Variants in GLRX observed in about 807,000 individuals in gnomAD.
The protein encoded by GLRX is glutaredoxin.
Under a neutral mutation model 11.1 loss-of-function variants are expected in GLRX, and 9 were observed. The observed-to-expected ratio is 0.81, with a 90% CI of 0.49 to 1.42. The LOEUF (loss-of-function observed/expected upper bound fraction) is 1.42, where lower values mean the gene tolerates loss of function less well. Among genes scored for constraint, GLRX ranks in the 40% most tolerant of loss-of-function variants. The pLI, the probability that GLRX is intolerant of heterozygous loss-of-function variation, is 0.00. For missense variants in GLRX, 102 were observed against 126.2 expected, an observed-to-expected ratio of 0.81 and a Z score of 0.92; for synonymous variants, 49 against 49.5, an observed-to-expected ratio of 0.99 and a Z score of 0.04.
chr5:95,822,318 C>G, intron 1 of GLRX, 138 bp downstream of exon 1: 1 of 642,180 alleles, frequency 1.6e-6, no homozygotes, highest in Non-Finnish European at 2.7e-6. Context: ...AAGGCGCCCT[C>G]CCCCACACCC....
intron 1 of GLRX, chr5:95,817,998 T>C (rs1481774096): frequency 2.6e-5 from 4 of 152,052 alleles, no homozygotes; most frequent in African/African-American, 9.7e-5. Flanking sequence ...AAAAATAAAG[T>C]CTAAAAATTA....
chr5:95,817,587 C>G (rs146956126), intron 1 of GLRX: 1 of 152,398 alleles, frequency 6.6e-6, no homozygotes, highest in East Asian at 1.9e-4. Flanking sequence ...TCTCTAGTTA[C>G]ACACTTCCTC....
At chr5:95,819,140 T>G (rs1747121209) in intron 1 of GLRX, 1 of 152,222 alleles carries the variant, frequency 6.6e-6, no homozygotes, top group Non-Finnish European at 1.5e-5. Flanking sequence ...TTACTGTATT[T>G]GTTTGTCTCC....
intron 1 of GLRX, chr5:95,817,833 G>C (rs1747063323): frequency 6.6e-6 from 1 of 152,164 alleles, no homozygotes; most frequent in African/African-American, 2.4e-5. Context: ...AAAGCAATGA[G>C]ACTATTTTTC....
intron 1 of GLRX, 166 bp downstream of exon 1, chr5:95,822,290 G>A: frequency 1.6e-6 from 1 of 618,094 alleles, no homozygotes. Flanking sequence ...GCTCATTCAA[G>A]TGACCGAGAT....
intron 1 of GLRX, chr5:95,819,006 G>T (rs28926203): frequency 6.6e-6 from 1 of 152,142 alleles, no homozygotes; most frequent in Non-Finnish European, 1.5e-5. Flanking sequence ...ATATCTGCTC[G>T]AATGTTCCCT....
At position 95,822,719 on chromosome 5, in the gene GLRX, T is replaced by C. The variant is rs1181220495; in HGVS notation, c.-57A>G. 1 of 1,455,906 alleles carries C rather than the reference T, an allele frequency of 6.9e-7. No homozygotes were observed. The highest frequency in any genetic ancestry group is 9.6e-7 in the Non-Finnish European group (1 of 1,044,322). The allele number at this position is 1,455,906 out of a possible 1,614,324, so 90.2% of individuals were successfully genotyped here. On this transcript the variant is annotated 5_prime_UTR_variant, in exon 1 of 3. The change creates a new upstream start codon in the 5' untranslated region. Transcript: ENST00000237858. ...CCTCAGTTGCAGGTATTGCTTGGGG[T>C]ATTGAGCCCCGACCCAGCCAGTTGG... is the stretch of plus-strand genomic sequence containing the variant.
intron 1 of GLRX, among the ~76,000 whole-genome samples, chr5:95,821,949 G>A (rs1309008366): frequency 2.0e-5 from 3 of 152,032 alleles, no homozygotes; most frequent in African/African-American, 7.3e-5. Context: ...TTAGAACAAG[G>A]GGCAGATAAC....
intron 1 of GLRX, among the ~76,000 whole-genome samples, chr5:95,821,189 A>G (rs1747222589): frequency 6.6e-6 from 1 of 152,172 alleles, no homozygotes; most frequent in Non-Finnish European, 1.5e-5. Flanking sequence ...GGGCATAAGG[A>G]TTGTTTTAAA....
At chr5:95,820,121 G>A (rs1747171189) in intron 1 of GLRX, among the ~76,000 whole-genome samples, 1 of 151,962 alleles carries the variant, frequency 6.6e-6, no homozygotes, top group Admixed American at 6.6e-5. Context: ...GGAAGCTGAG[G>A]TGGGAGGATA....
chr5:95,817,226 G>A (rs1364199105), intron 1 of GLRX: 1 of 152,642 alleles, frequency 6.6e-6, no homozygotes, highest in African/African-American at 2.4e-5. Context: ...ACTAGCCTAG[G>A]TAACATCGTG....
chr5:95,815,902 C>T (rs1017379100), intron 2 of GLRX, among the ~76,000 whole-genome samples: 6 of 152,182 alleles, frequency 3.9e-5, no homozygotes, highest in Admixed American at 1.3e-4. Flanking sequence ...GGTGCTCTGG[C>T]CCCTGCCCAC....
At chr5:95,820,753 A>G (rs9314160) in intron 1 of GLRX, among the ~76,000 whole-genome samples, 87,952 of 151,382 alleles carry the variant, frequency 0.58, 25,670 homozygotes, top group East Asian at 0.8. Context: ...ACCTCCTGGA[A>G]AATAGATGCT....
chr5:95,820,284 G>A (rs1418258376), intron 1 of GLRX, among the ~76,000 whole-genome samples: 6 of 147,818 alleles, frequency 4.1e-5, no homozygotes, highest in Admixed American at 2.7e-4. Context: ...CCAGGAGTTC[G>A]AGGCTGCAGT....
chr5:95,816,634 A>C lies in GLRX; in HGVS notation c.208-8T>G. ...AATAAAGACTCGAGGCACCTAAAAA[A>C]GCACACGACCCAGGACATTACTACA... is the stretch of plus-strand genomic sequence containing the variant. On this transcript the variant is annotated splice_region_variant and splice_polypyrimidine_tract_variant and intron_variant, in intron 1 of 2. Coordinates refer to ENST00000237858, the MANE Select transcript of GLRX (RefSeq NM_001118890.2). 7.5e-7 allele frequency: 1 copy of C among 1,331,580 alleles called. No individual in the cohort carries two copies. Among genetic ancestry groups the C allele is most frequent in the East Asian group, 2.3e-5 (1 of 43,756 alleles). 82.5% of individuals were successfully genotyped at this position (1,331,580 alleles called of 1,614,324 possible). A position where few individuals can be genotyped will look rare whatever the true frequency, so the allele number is the denominator to read the frequency against.
intron 2 of GLRX, among the ~76,000 whole-genome samples, chr5:95,815,647 G>C (rs1407752668): frequency 1.3e-5 from 2 of 152,218 alleles, no homozygotes; most frequent in Non-Finnish European, 2.9e-5. Context: ...GCTGTGCTGG[G>C]GAACTGGGGG....
chr5:95,817,104 C>G (rs1213918093), intron 1 of GLRX: 1 of 158,282 alleles, frequency 6.3e-6, no homozygotes, highest in Non-Finnish European at 1.4e-5. Flanking sequence ...GTACAATCAT[C>G]TCTCTGTGTT....
intron 1 of GLRX, chr5:95,819,119 A>AG (rs1747119122): frequency 1.3e-5 from 2 of 152,020 alleles, no homozygotes; most frequent in East Asian, 3.8e-4. Flanking sequence ...AACTCCCAAC[A>AG]TACTGTTTTA....
intron 1 of GLRX, among the ~76,000 whole-genome samples, chr5:95,821,582 G>A (rs1375958623): frequency 2.0e-5 from 3 of 152,154 alleles, no homozygotes; most frequent in Admixed American, 6.5e-5. Context: ...TGTAGAATTC[G>A]TGCATCGTAA....
Sources: gnomAD v4.1 joint callset for allele counts (sites outside exome capture counted in the v4.1 genomes callset) on GRCh38, gnomAD v4.1.1 for gene constraint, MANE v1.5 for transcripts, NCBI Gene and HGNC (gene_info 2026-07-23, HGNC 2026-07-21) for gene names.